Variants in ZNF574 observed in about 807,000 individuals in gnomAD.
ZNF574 encodes zinc finger protein 574.
ZNF574 carries 25 observed loss-of-function variants against 56.6 expected under a neutral mutation model. The observed-to-expected ratio is 0.44, with a 90% CI of 0.32 to 0.62. The LOEUF (loss-of-function observed/expected upper bound fraction) is 0.62. Ranked by LOEUF, ZNF574 falls within the 20% of genes least tolerant of loss-of-function variation. The pLI, the probability that ZNF574 is intolerant of heterozygous loss-of-function variation, is 0.04. For missense variants in ZNF574, 1,065 were observed against 1,218.9 expected (o/e 0.87, Z 1.88); for synonymous variants, 543 against 492.1 (o/e 1.10, Z -1.37).
rs756437490 is a variant in ZNF574 at position 42,081,238 on chromosome 19, G to A, written c.2632G>A (p.Val878Met). Reference sequence around the variant, plus strand: ...GACTGCTGTGGAGGCGCTACCCCTGGTGGAAGCCATTGAGATCTACCCTCT... The same window carrying A: ...GACTGCTGTGGAGGCGCTACCCCTGATGGAAGCCATTGAGATCTACCCTCT... ...METAVEALPL[V>M]EAIEIYPLAE... Residue 878 changes from valine (V) to methionine (M), a missense_variant, in exon 2 of 2, where the codon GTG becomes ATG. By Grantham distance (21) the Val-to-Met change is conservative. Transcript: ENST00000359044. 6.2e-7 allele frequency: 1 copy of A among 1,613,298 alleles called. No homozygotes were observed. Among genetic ancestry groups the A allele is most frequent in the Non-Finnish European group, 8.5e-7 (1 of 1,179,854 alleles).
rs757541791 is a variant in ZNF574, at chr19:42,079,129, G to A, written c.523G>A (p.Ala175Thr). The A allele has an allele frequency of 1.1e-5, 18 of 1,614,012 alleles. No homozygotes were observed. The East Asian group carries it at 3.8e-4, about 34-fold the overall frequency. Reference protein sequence around the residue: ...PVVLGPPVGQARVAVEHSYRK... With the variant: ...PVVLGPPVGQTRVAVEHSYRK... ...TGTTCTAGGGCCTCCTGTGGGCCAG[G>A]CCCGAGTGGCTGTGGAGCACTCATA... Residue 175 changes from alanine (A) to threonine (T), a missense_variant, in exon 2 of 2, where the codon GCC (alanine) becomes ACC (threonine). Ala to Thr is a moderately conservative substitution (Grantham distance 58). Transcript: ENST00000359044. The surrounding 1 kb of genome is among the most constrained non-coding windows in gnomAD (Gnocchi z 4.3).
chr19:42,077,434 G>A (rs969722878), intron 1 of ZNF574, among the ~76,000 whole-genome samples: 3 of 152,070 alleles, frequency 2.0e-5, no homozygotes, highest in Non-Finnish European at 4.4e-5. Context: ...GGGTCTTCTA[G>A]CAAATTAAAA....
upstream of ZNF574, among the ~76,000 whole-genome samples, chr19:42,072,807 C>T (rs2076433484): frequency 1.3e-5 from 2 of 152,152 alleles, no homozygotes; most frequent in Non-Finnish European, 2.9e-5. Flanking sequence ...ATCGGGTGAT[C>T]GGCCTGTCTC....
chr19:42,081,426 G>T lies in ZNF574; in HGVS notation c.*129G>T, dbSNP rs1406026059. 1 of 1,281,636 alleles carries T rather than the reference G, an allele frequency of 7.8e-7. No homozygotes were observed. Among genetic ancestry groups the T allele is most frequent in the East Asian group, 2.5e-5 (1 of 40,644 alleles). The allele number at this position is 1,281,636 out of a possible 1,614,324, so 79.4% of individuals were successfully genotyped here. A position where few individuals can be genotyped will look rare whatever the true frequency, so the allele number is the denominator to read the frequency against. ...CCACCACCTTGTAAGTTCTAAATTG[G>T]ATTTATTCTCTCGTGAGGGGGGTGC... On this transcript the variant is annotated 3_prime_UTR_variant, in exon 2 of 2. Transcript: ENST00000359044.
At chr19:42,076,617 G>C (rs939214061) in intron 1 of ZNF574, among the ~76,000 whole-genome samples, 1 of 152,236 alleles carries the variant, frequency 6.6e-6, no homozygotes, top group Non-Finnish European at 1.5e-5. Context: ...TGGGGTAAAG[G>C]ACTTGGTGGT....
chr19:42,075,061 T>C (rs1486013464), upstream of ZNF574: 2 of 152,316 alleles, frequency 1.3e-5, no homozygotes, highest in African/African-American at 4.8e-5. Flanking sequence ...TGTTTTGTAT[T>C]TTTAGTAAAG....
chr19:42,077,982 G>T (rs989371361), intron 1 of ZNF574, among the ~76,000 whole-genome samples: 6 of 152,102 alleles, frequency 3.9e-5, no homozygotes, highest in African/African-American at 1.2e-4. Context: ...AAGAGTTGGT[G>T]GGTAGCAGGG....
upstream of ZNF574, chr19:42,074,625 AG>A (rs746090046): frequency 2.6e-5 from 4 of 152,176 alleles, no homozygotes; most frequent in Non-Finnish European, 5.9e-5. Flanking sequence ...GGCTCAGGAC[AG>A]TTGACTTGCC....
At chr19:42,076,966 G>C (rs759218649) in intron 1 of ZNF574, among the ~76,000 whole-genome samples, 3 of 152,156 alleles carry the variant, frequency 2.0e-5, no homozygotes, top group Non-Finnish European at 4.4e-5. Context: ...TTTTAAAAGG[G>C]TGTCTGGGTG....
chr19:42,068,623 G>C, exon 1 of ZNF574: 1 of 426,450 alleles, frequency 2.3e-6, no homozygotes, highest in Non-Finnish European at 4.1e-6. Context: ...AATAGAAAGA[G>C]AAATGGAAAG....
chr19:42,075,436 C>A (rs1322471213), upstream of ZNF574, among the ~76,000 whole-genome samples: 2 of 152,136 alleles, frequency 1.3e-5, no homozygotes, highest in African/African-American at 4.8e-5. Flanking sequence ...TGAAATTGTC[C>A]CTGCTTCTTT....
rs749495476 is a variant in ZNF574 at position 42,081,390 on chromosome 19, T to G, written c.*93T>G. On this transcript the variant is annotated 3_prime_UTR_variant, in exon 2 of 2. Transcript: ENST00000359044. ...CATCTGTACATACTGTGTCCCTTCC[T>G]CTTCCCATCCCCACCACCTTGTAAG... The G allele has an allele frequency of 2.0e-6, 3 of 1,495,122 alleles. No individual in the cohort carries two copies. The Admixed American group carries it at 5.1e-5, about 26-fold the overall frequency. The allele number at this position is 1,495,122 out of a possible 1,614,324, so 92.6% of individuals were successfully genotyped here. A position where few individuals can be genotyped will look rare whatever the true frequency, so the allele number is the denominator to read the frequency against.
At chr19:42,068,694 A>C (rs2146198921) in exon 1 of ZNF574, 1 of 445,560 alleles carries the variant, frequency 2.2e-6, no homozygotes, top group African/African-American at 2.0e-5. Context: ...TGACAGAGAG[A>C]GGGATCTAAA....
Position 42,078,888 on chromosome 19 carries a change from C to G in ZNF574, c.282C>G (p.His94Gln), listed in dbSNP as rs1407236340. ...LLMSPSQLLE[H>Q]QELHLKMMAP... ...TGTCACCCAGCCAGCTCCTGGAGCA[C>G]CAGGAGCTGCACCTGAAGATGATGG... Residue 94 changes from histidine (H) to glutamine (Q), a missense_variant, in exon 2 of 2, where the codon CAC (histidine) becomes CAG (glutamine). Transcript: ENST00000359044. 6.2e-7 allele frequency: 1 copy of G among 1,613,966 alleles called. No individual in the cohort carries two copies. The highest frequency in any genetic ancestry group is 8.5e-7 in the Non-Finnish European group (1 of 1,179,992).
At chr19:42,068,918 G>A (rs2076382096) in exon 1 of ZNF574, 2 of 669,944 alleles carry the variant, frequency 3.0e-6, no homozygotes, top group Non-Finnish European at 5.4e-6. Context: ...GACCAGGACG[G>A]AGGCTTGGAG....
rs2076499644 is a variant in ZNF574, at chr19:42,081,277, G to A, written c.2671G>A (p.Gly891Arg). Residue 891 changes from glycine to arginine, a missense_variant, in exon 2 of 2, where the codon GGG becomes AGG. Transcript: ENST00000359044. ...IEIYPLAEAE[G>R]VQISG is the part of the protein sequence containing the mutation. ...GATCTACCCTCTGGCCGAGGCTGAG[G>A]GGGTCCAGATCAGTGGCTGACTCTG... 6.2e-7 allele frequency: 1 copy of A among 1,614,084 alleles called. No individual in the cohort carries two copies. Among genetic ancestry groups the A allele is most frequent in the South Asian group, 1.1e-5 (1 of 91,076 alleles).
At chr19:42,071,785 C>T (rs1448964645), upstream of ZNF574, among the ~76,000 whole-genome samples, 1 of 152,140 alleles carries the variant, frequency 6.6e-6, no homozygotes, top group Non-Finnish European at 1.5e-5. Flanking sequence ...AGGTGGACCA[C>T]CTGAGGTTGG....
chr19:42,081,191 C>T lies in ZNF574; in HGVS notation c.2585C>T (p.Ala862Val). 1.9e-6 allele frequency: 3 copies of T among 1,614,080 alleles called. No homozygotes were observed. Among genetic ancestry groups the T allele is most frequent in the Non-Finnish European group, 2.5e-6 (3 of 1,180,040 alleles). ...CAGCAGCTGGCAGAGGCGGAGGCTG[C>T]CGTTGGCCTGGCCGTCATGGAGACT... ...VRQQLAEAEA[A>V]VGLAVMETAV... Residue 862 changes from alanine to valine, a missense_variant, in exon 2 of 2, where the codon GCC becomes GTC. Coordinates refer to ENST00000359044, the MANE Select transcript of ZNF574 (RefSeq NM_022752.6).
upstream of ZNF574, among the ~76,000 whole-genome samples, chr19:42,073,906 G>T (rs1190982154): frequency 6.6e-6 from 1 of 151,014 alleles, no homozygotes; most frequent in Non-Finnish European, 1.5e-5. Flanking sequence ...GGGTGGGGGG[G>T]TGGATCACCT....
Sources: allele counts gnomAD v4.1 joint callset (sites outside exome capture counted in the v4.1 genomes callset), GRCh38; gene constraint gnomAD v4.1.1; non-coding constraint Gnocchi (gnomAD v3.1); transcripts MANE v1.5; gene names NCBI Gene and HGNC (gene_info 2026-07-23, HGNC 2026-07-21).